Variants in DLG1 observed in about 807,000 individuals in gnomAD.
DLG1 encodes the protein disks large homolog 1.
In DLG1, 42 loss-of-function variants were observed where a neutral mutation model predicts 123.4. The ratio of observed to expected loss-of-function variants is 0.34; its 90% CI spans 0.27 to 0.44. DLG1 has a LOEUF of 0.44. Among genes scored for constraint, DLG1 ranks in the 20% least tolerant of loss-of-function variants. The probability of loss-of-function intolerance (pLI) is 1.00; values close to 1 mark genes in which losing one functional copy is unlikely to be tolerated. For missense variants in DLG1, 942 were observed against 1,082.6 expected (o/e 0.87, Z 1.82); for synonymous variants, 317 against 356.2 (o/e 0.89, Z 1.24).
At chr3:197,046,795 G>A (rs370029967) in intron 24 of DLG1, among the ~76,000 whole-genome samples, 177 of 152,180 alleles carry the variant, frequency 1.2e-3, no homozygotes, top group African/African-American at 4.0e-3. Context: ...ACTTGAGCCT[G>A]GGAGGTGGAG....
At chr3:197,206,472 G>A (rs984950471) in intron 4 of DLG1, among the ~76,000 whole-genome samples, 2 of 152,038 alleles carry the variant, frequency 1.3e-5, no homozygotes, top group South Asian at 2.1e-4. Context: ...GCTAATTTTT[G>A]TATTTTTTGT....
chr3:197,292,778 C>A (rs557990480), intron 3 of DLG1, among the ~76,000 whole-genome samples: 2 of 152,268 alleles, frequency 1.3e-5, no homozygotes, highest in South Asian at 4.1e-4. Context: ...TAAAACACTG[C>A]ATTAGAATAA....
At chr3:197,149,715 T>C (rs748122466) in intron 6 of DLG1, 28 bp downstream of exon 6, 53 of 1,479,264 alleles carry the variant, frequency 3.6e-5, no homozygotes, top group Non-Finnish European at 4.9e-5. Flanking sequence ...GCAGAATTAC[T>C]TCAATGTGGG....
intron 4 of DLG1, among the ~76,000 whole-genome samples, chr3:197,258,994 TAA>T (rs1460866323): frequency 6.6e-6 from 1 of 152,068 alleles, no homozygotes; most frequent in East Asian, 1.9e-4. Flanking sequence ...CCTCTTTTGC[TAA>T]AAGAGTCAAT....
At chr3:197,050,332 A>G (rs546253507) in intron 24 of DLG1, among the ~76,000 whole-genome samples, 5 of 151,830 alleles carry the variant, frequency 3.3e-5, no homozygotes, top group Admixed American at 6.6e-5. Flanking sequence ...GCGCCACTGC[A>G]CTCCAGCCTG....
At chr3:197,207,275 G>T (rs1473260895) in intron 4 of DLG1, among the ~76,000 whole-genome samples, 1 of 151,978 alleles carries the variant, frequency 6.6e-6, no homozygotes, top group Admixed American at 6.6e-5. Flanking sequence ...GCAATTAGAT[G>T]GTACAAGGAA....
At chr3:197,189,644 C>A (rs899742938) in intron 5 of DLG1, among the ~76,000 whole-genome samples, 1 of 152,136 alleles carries the variant, frequency 6.6e-6, no homozygotes, top group African/African-American at 2.4e-5. Flanking sequence ...TAATACCTAA[C>A]AAAAGAGAAC....
At chr3:197,277,262 A>C (rs1295771033) in intron 4 of DLG1, among the ~76,000 whole-genome samples, 2 of 149,766 alleles carry the variant, frequency 1.3e-5, no homozygotes, top group Non-Finnish European at 3.0e-5. Flanking sequence ...ATGTATTGTG[A>C]TGTTAGGAGT....
Position 197,278,282 on chromosome 3 carries a change from CAAAAAAAA to C in DLG1, c.318+4389_318+4396del, listed in dbSNP as rs71164203. ...TCGGTGGGAGAGCAAGACTCTGTCCCAAAAAAAAAAAAAAAAAAAAAAAAAAAAAGAAA... is the reference window on the plus strand; with the variant it reads ...TCGGTGGGAGAGCAAGACTCTGTCCCAAAAAAAAAAAAAAAAAAAAAGAAA... On this transcript the variant is annotated intron_variant, in intron 4 of 24. Transcript: ENST00000667157. Among the ~76,000 whole-genome samples, 47 of 37,522 alleles carry C rather than the reference CAAAAAAAA, an allele frequency of 1.3e-3. No homozygotes were observed. In the East Asian group the frequency reaches 0.014, roughly 11 times the overall value. 24.6% of individuals were successfully genotyped at this position (37,522 alleles called of 152,430 possible).
chr3:197,100,248 A>G (rs1300864523), intron 14 of DLG1, among the ~76,000 whole-genome samples: 1 of 152,210 alleles, frequency 6.6e-6, no homozygotes. Context: ...TTTGGTTGGT[A>G]TAAGAAGTAA....
chr3:197,263,681 G>A (rs1760498311), intron 4 of DLG1, among the ~76,000 whole-genome samples: 1 of 152,104 alleles, frequency 6.6e-6, no homozygotes, highest in East Asian at 1.9e-4. Context: ...CAGCTACTCG[G>A]GAGGCTGAGG....
chr3:197,273,046 C>G (rs753148340), intron 4 of DLG1, among the ~76,000 whole-genome samples: 3 of 151,980 alleles, frequency 2.0e-5, no homozygotes, highest in Non-Finnish European at 4.4e-5. Flanking sequence ...TTTTTCTTGA[C>G]CTGGTATATT....
chr3:197,202,226 T>G (rs1478017793), intron 4 of DLG1, among the ~76,000 whole-genome samples: 2 of 152,208 alleles, frequency 1.3e-5, no homozygotes, highest in African/African-American at 4.8e-5. Context: ...AATGTAACTG[T>G]ATTATATCTG....
At chr3:197,284,761 T>A (rs1771008339) in intron 3 of DLG1, among the ~76,000 whole-genome samples, 1 of 152,144 alleles carries the variant, frequency 6.6e-6, no homozygotes, top group Non-Finnish European at 1.5e-5. Flanking sequence ...AAAAATTAGA[T>A]TTTGGTTGAC....
intron 4 of DLG1, among the ~76,000 whole-genome samples, chr3:197,242,447 A>G (rs2150749872): frequency 6.6e-6 from 1 of 152,202 alleles, no homozygotes; most frequent in Non-Finnish European, 1.5e-5. Context: ...GGCCTAACTG[A>G]CATTTACAGA....
At chr3:197,199,689 G>A (rs953754129) in intron 4 of DLG1, among the ~76,000 whole-genome samples, 2 of 152,064 alleles carry the variant, frequency 1.3e-5, no homozygotes, top group African/African-American at 4.8e-5. Context: ...ACATTACACA[G>A]CAATATTCAT....
intron 5 of DLG1, among the ~76,000 whole-genome samples, chr3:197,159,953 T>C (rs1798132012): frequency 6.6e-6 from 1 of 152,204 alleles, no homozygotes; most frequent in South Asian, 2.1e-4. Flanking sequence ...GCTAAGATTA[T>C]GTGCCAGTAC....
intron 20 of DLG1, 99 bp downstream of exon 20, chr3:197,066,605 T>A (rs761601369): frequency 8.4e-5 from 68 of 810,328 alleles, no homozygotes; most frequent in Middle Eastern, 3.6e-4. Flanking sequence ...TAAAAAAAAA[T>A]TTTAATACAA....
intron 5 of DLG1, among the ~76,000 whole-genome samples, chr3:197,162,469 G>A (rs1242486167): frequency 6.6e-6 from 1 of 152,062 alleles, no homozygotes; most frequent in Non-Finnish European, 1.5e-5. Flanking sequence ...AAGCAGATGA[G>A]GACAGCCTGC....
Sources: gnomAD v4.1 joint callset for allele counts (sites outside exome capture counted in the v4.1 genomes callset) on GRCh38, gnomAD v4.1.1 for gene constraint, MANE v1.5 for transcripts, NCBI Gene and HGNC (gene_info 2026-07-23, HGNC 2026-07-21) for gene names.